The following CGN variants were observed in gnomAD, a reference collection of about 807,000 sequenced individuals.
CGN encodes cingulin.
A neutral mutation model predicts 157.1 loss-of-function variants in CGN; 121 were observed. The ratio of observed to expected loss-of-function variants is 0.77; its 90% CI spans 0.66 to 0.90. The LOEUF (loss-of-function observed/expected upper bound fraction) is 0.90. Among genes scored for constraint, CGN ranks in the 40% least tolerant of loss-of-function variants. CGN has a pLI of 0.00. For missense variants in CGN, 1,424 were observed against 1,520.9 expected (o/e 0.94, Z 1.06); for synonymous variants, 535 against 607.5 (o/e 0.88, Z 1.76).
At chr1:151,532,610 C>CACT in intron 14 of CGN, 38 bp downstream of exon 14, 14 of 1,066,588 alleles carry the variant, frequency 1.3e-5, no homozygotes, top group South Asian at 2.3e-5. Flanking sequence ...AGGTCCTTGC[C>CACT]TCTTTTTTTT....
intron 2 of CGN, 130 bp from the exon 3 acceptor site, chr1:151,520,036 C>A: frequency 1.4e-6 from 1 of 693,038 alleles, no homozygotes; most frequent in Non-Finnish European, 2.4e-6. Flanking sequence ...CAGGATTGTT[C>A]ATCATGCTTG....
intron 19 of CGN, 129 bp from the exon 20 acceptor site, chr1:151,536,601 G>A: frequency 1.2e-6 from 1 of 817,528 alleles, no homozygotes; most frequent in East Asian, 2.6e-5. Context: ...AACCATGTGA[G>A]GTTAAGGAAC....
At chr1:151,513,598 C>T (rs1159804230) in intron 1 of CGN, among the ~76,000 whole-genome samples, 2 of 152,212 alleles carry the variant, frequency 1.3e-5, no homozygotes, top group Non-Finnish European at 2.9e-5. Flanking sequence ...AGCATATTGC[C>T]TGGCCCTATG....
At chr1:151,519,467 T>G in intron 2 of CGN, 75 bp downstream of exon 2, 1 of 1,326,720 alleles carries the variant, frequency 7.5e-7, no homozygotes, top group Non-Finnish European at 1.0e-6. Context: ...CCACCAGCCA[T>G]GAGCCTCCTT....
chr1:151,530,919 T>C (rs941617605), intron 13 of CGN, among the ~76,000 whole-genome samples, 173 bp downstream of exon 13: 2 of 152,050 alleles, frequency 1.3e-5, no homozygotes, highest in Non-Finnish European at 2.9e-5. Context: ...GGTAGGCAGA[T>C]ACCCGAGGTC....
intron 5 of CGN, among the ~76,000 whole-genome samples, chr1:151,522,226 C>T (rs1664558673): frequency 1.3e-5 from 2 of 151,760 alleles, no homozygotes. Flanking sequence ...GCTGTGATTG[C>T]ACTGCTGCAC....
chr1:151,519,819 G>T (rs1225103458), intron 2 of CGN, among the ~76,000 whole-genome samples: 1 of 152,214 alleles, frequency 6.6e-6, no homozygotes, highest in African/African-American at 2.4e-5. Flanking sequence ...TGAGAGAAAC[G>T]TAAGTCTGTT....
In CGN at chr1:151,527,045, A is replaced by C; in HGVS notation, c.1834A>C (p.Arg612=). ...ELGEKIEVLQ[R]ELEQARASAG... Reference sequence around the variant, plus strand: ...TGGAGAGAAGATAGAGGTCTTGCAGAGGGAATTAGAGCAGGCCCGAGCTAG... The same window carrying C: ...TGGAGAGAAGATAGAGGTCTTGCAGCGGGAATTAGAGCAGGCCCGAGCTAG... Residue 612 remains arginine, a synonymous_variant, in exon 10 of 21, where the codon AGG becomes CGG. Coordinates refer to ENST00000271636, the MANE Select transcript of CGN (RefSeq NM_020770.3). 6.2e-7 allele frequency: 1 copy of C among 1,614,162 alleles called. No homozygotes were observed. Among genetic ancestry groups the C allele is most frequent in the Admixed American group, 1.7e-5 (1 of 60,018 alleles).
rs751638084 is a variant in CGN, at chr1:151,524,843, G to A, written c.1571G>A (p.Arg524Gln). The A allele has an allele frequency of 7.4e-6, 12 of 1,612,100 alleles. No individual in the cohort carries two copies. The highest frequency in any genetic ancestry group is 5.3e-5 in the African/African-American group (4 of 74,848). Residue 524 changes from arginine (R) to glutamine (Q), a missense_variant, in exon 8 of 21, where the codon CGA becomes CAA. Coordinates refer to ENST00000271636, the MANE Select transcript of CGN (RefSeq NM_020770.3). The surrounding 1 kb of genome is among the most constrained non-coding windows in gnomAD (Gnocchi z 4.4). ...EVEHVRQQYQ[R>Q]DTEQLRRSMQ... ...GAACATGTCCGGCAGCAGTACCAGC[G>A]AGACACAGAGCAGCTCCGCAGGAGC... is the stretch of plus-strand genomic sequence containing the variant.
intron 8 of CGN, 71 bp from the exon 9 acceptor site, chr1:151,525,571 A>T: frequency 7.5e-7 from 1 of 1,331,452 alleles, no homozygotes; most frequent in East Asian, 2.7e-5. Context: ...TTCCTTGTAC[A>T]CACTCACACT....
At chr1:151,520,859 G>A (rs1018059416) in intron 5 of CGN, among the ~76,000 whole-genome samples, 168 bp downstream of exon 5, 6 of 152,210 alleles carry the variant, frequency 3.9e-5, no homozygotes, top group African/African-American at 1.4e-4. Context: ...CTGGGGTTCT[G>A]TGGGGGTTAG....
intron 8 of CGN, 126 bp from the exon 9 acceptor site, chr1:151,525,496 TTGTACCAGGTACCACAAGAG>T: frequency 2.0e-6 from 1 of 499,726 alleles, no homozygotes; most frequent in East Asian, 3.7e-5. Flanking sequence ...TCTGCTAGCA[TTGTACCAGGTACCACAAGAG>T]TGTCAGGGGG....
chr1:151,518,999 C>T lies in CGN; in HGVS notation c.480C>T (p.Ala160=), dbSNP rs755945240. 1.2e-6 allele frequency: 2 copies of T among 1,614,186 alleles called. No individual in the cohort carries two copies. The highest frequency in any genetic ancestry group is 4.5e-5 in the East Asian group (2 of 44,880). The part of the protein sequence containing the change: ...SNRSNSMLEL[A]PKVASPGSTI... ...GAAGCAACAGCATGCTGGAGCTAGCCCCGAAAGTGGCTTCCCCAGGTAGCA... is the reference window on the plus strand; with the variant it reads ...GAAGCAACAGCATGCTGGAGCTAGCTCCGAAAGTGGCTTCCCCAGGTAGCA... Residue 160 remains alanine, a synonymous_variant, in exon 2 of 21, where the codon GCC becomes GCT. Transcript: ENST00000271636.
At position 151,534,116 on chromosome 1, in the gene CGN, C is replaced by G. The variant is rs199865309; in HGVS notation, c.2884C>G (p.Arg962Gly). The change falls in exon 15 of 21, where the codon CGG becomes GGG. Residue 962 changes from arginine to glycine, a missense_variant. Coordinates refer to ENST00000271636, the MANE Select transcript of CGN (RefSeq NM_020770.3). ...GAAGCGTTCCCAGGACGACAGGGCC[C>G]GGCAGCTGAAGGGTCTCGAGGTGAG... is the stretch of plus-strand genomic sequence containing the variant. ...NKKRSQDDRA[R>G]QLKGLEEKVS... 1.9e-6 allele frequency: 3 copies of G among 1,598,700 alleles called. No individual in the cohort carries two copies. The highest frequency in any genetic ancestry group is 3.5e-5 in the Admixed American group (2 of 57,126).
rs199672268 is a variant in CGN, at chr1:151,529,901, G to A, written c.2107-8G>A. On this transcript the variant is annotated splice_region_variant and splice_polypyrimidine_tract_variant and intron_variant, in intron 11 of 20. Transcript: ENST00000271636. ...GGTCTGAGCTGCCACCCCCTGAACC[G>A]TCCTTAGGCTAAGATGGTGGCCGAG... The A allele has an allele frequency of 8.7e-6, 14 of 1,611,986 alleles. No individual in the cohort carries two copies. Among genetic ancestry groups the A allele is most frequent in the Non-Finnish European group, 1.2e-5 (14 of 1,178,920 alleles).
intron 1 of CGN, among the ~76,000 whole-genome samples, chr1:151,516,664 T>A (rs1664419796): frequency 6.6e-6 from 1 of 151,180 alleles, no homozygotes; most frequent in East Asian, 2.0e-4. Context: ...TGCCTCAGCC[T>A]CCCGAGCAGC....
chr1:151,530,772 T>C, intron 13 of CGN, 26 bp downstream of exon 13: 1 of 1,550,490 alleles, frequency 6.4e-7, no homozygotes, highest in African/African-American at 1.4e-5. Context: ...TTCTGGGCCT[T>C]TAGGAAGAGG....
Position 151,535,143 on chromosome 1 carries a change from C to A in CGN, c.2994+12C>A, listed in dbSNP as rs759508161. The stretch of plus-strand genomic sequence containing the variant: ...GTGGCCGGGACCAGGTAACCGCCCC[C>A]ACCCCTCATCTCTGTTTACCCCTGA... On this transcript the variant is annotated intron_variant, in intron 16 of 20. Transcript: ENST00000271636. 16 of 1,601,762 alleles carry A rather than the reference C, an allele frequency of 1.0e-5. No individual in the cohort carries two copies. The East Asian group carries it at 2.9e-4, about 29-fold the overall frequency.
rs144710868 is a variant in CGN, at chr1:151,518,612, G to C, written c.93G>C (p.Glu31Asp). Reference sequence around the variant, plus strand: ...TCACAGAGCCAGTGAGTGGTGCAGAGATGGGCACTCTACGTCGAGGTGGAC... The same window carrying C: ...TCACAGAGCCAGTGAGTGGTGCAGACATGGGCACTCTACGTCGAGGTGGAC... ...RFITEPVSGA[E>D]MGTLRRGGRR... The change falls in exon 2 of 21, where the codon GAG becomes GAC. Residue 31 changes from glutamate to aspartate, a missense_variant. This residue lies in a region of CGN where 1,187 missense variants were observed against 1,217.6 expected (regional missense o/e 0.97). Transcript: ENST00000271636. The C allele has an allele frequency of 6.2e-7, 1 of 1,614,082 alleles. No individual in the cohort carries two copies. Among genetic ancestry groups the C allele is most frequent in the Non-Finnish European group, 8.5e-7 (1 of 1,180,038 alleles).
Sources: allele counts gnomAD v4.1 joint callset (sites outside exome capture counted in the v4.1 genomes callset), GRCh38; gene constraint gnomAD v4.1.1; regional missense constraint gnomAD v4.1.1; non-coding constraint Gnocchi (gnomAD v3.1); transcripts MANE v1.5; gene names NCBI Gene and HGNC (gene_info 2026-07-23, HGNC 2026-07-21).